The following MANSC4 variants were observed in gnomAD, a reference collection of about 807,000 sequenced individuals.
MANSC4 encodes the protein MANSC domain-containing protein 4.
In MANSC4, 11 loss-of-function variants were observed where a neutral mutation model predicts 11.4. The ratio of observed to expected loss-of-function variants is 0.97; its 90% confidence interval spans 0.61 to 1.60. MANSC4 has a LOEUF of 1.60. Among genes scored for constraint, MANSC4 ranks in the 40% most tolerant of loss-of-function variants. The pLI is 0.00. For missense variants in MANSC4, 354 were observed against 404.6 expected (o/e 0.88, Z 1.07); for synonymous variants, 123 against 147.1 (o/e 0.84, Z 1.19).
In MANSC4 at chr12:27,777,541, TG is replaced by T. The variant is rs1468810203; in HGVS notation, c.-307+2668del. Among the ~76,000 whole-genome samples, 3 of 152,188 alleles carry T rather than the reference TG, an allele frequency of 2.0e-5. No homozygotes were observed. The East Asian group carries it at 5.8e-4, about 29-fold the overall frequency. Reference sequence around the variant, plus strand: ...CCACCTCCTGCTCCAAAGCTTATCGTGTCTCACTGCACCCTCATAGAGAATG... The same window carrying T: ...CCACCTCCTGCTCCAAAGCTTATCGTTCTCACTGCACCCTCATAGAGAATG... On this transcript the variant is annotated intron_variant, in intron 1 of 3. Coordinates refer to ENST00000381273, the MANE Select transcript of MANSC4 (RefSeq NM_001146221.5).
rs1211738411 is a variant in MANSC4 at position 27,771,263 on chromosome 12, T to A, written c.14A>T (p.Glu5Val). MHVAEVAVNVILLLS... is the reference protein window; with the variant it reads MHVAVVAVNVILLLS... ...GAGCAATATCACGTTCACTGCTACC[T>A]CTGCCACATGCATTTTTCCTGTATG... Residue 5 changes from glutamate to valine, a missense_variant, in exon 2 of 4, where the codon GAG becomes GTG. Transcript: ENST00000381273. 6.5e-7 allele frequency: 1 copy of A among 1,550,350 alleles called. No homozygotes were observed. Among genetic ancestry groups the A allele is most frequent in the Non-Finnish European group, 8.7e-7 (1 of 1,146,968 alleles).
At chr12:27,771,008 T>C in intron 2 of MANSC4, 40 bp downstream of exon 2, 1 of 1,468,416 alleles carries the variant, frequency 6.8e-7, no homozygotes, top group Middle Eastern at 1.8e-4. Context: ...TCCTTGGAAG[T>C]TTCTTCTTAT....
rs532561322 is a variant in MANSC4 at position 27,770,086 on chromosome 12, T to C, written c.229+962A>G. Among the ~76,000 whole-genome samples, 48 of 152,356 alleles carry C rather than the reference T, an allele frequency of 3.2e-4. 1 individual carries two copies. The highest frequency in any genetic ancestry group is 1.1e-3 in the African/African-American group (44 of 41,598). On this transcript the variant is annotated intron_variant, in intron 2 of 3. Transcript: ENST00000381273. Reference sequence around the variant, plus strand: ...ATTTGACATATATCTCCCTGTTTCTTTCAAAACATGAATCGCACTCTAAAT... The same window carrying C: ...ATTTGACATATATCTCCCTGTTTCTCTCAAAACATGAATCGCACTCTAAAT...
Position 27,766,775 on chromosome 12 carries a change from T to C in MANSC4, c.254A>G (p.Tyr85Cys). The C allele has an allele frequency of 1.9e-6, 3 of 1,551,632 alleles. No homozygotes were observed. Among genetic ancestry groups the C allele is most frequent in the Non-Finnish European group, 2.6e-6 (3 of 1,146,982 alleles). Residue 85 changes from tyrosine (Y) to cysteine (C), a missense_variant, in exon 3 of 4, where the codon TAC becomes TGC. Physicochemically the swap from Tyr to Cys is radical, Grantham distance 194. Coordinates refer to ENST00000381273, the MANE Select transcript of MANSC4 (RefSeq NM_001146221.5). ...GATATTGTCATGAATAGGACTGTGGTAGAAGACAGCCAGGTTACAGGAAAC... is the reference window on the plus strand; with the variant it reads ...GATATTGTCATGAATAGGACTGTGGCAGAAGACAGCCAGGTTACAGGAAAC... ...KDVSCNLAVF[Y>C]HSPIHDNINC...
chr12:27,776,759 A>T (rs1414511387), intron 1 of MANSC4, among the ~76,000 whole-genome samples: 2 of 152,218 alleles, frequency 1.3e-5, no homozygotes, highest in Non-Finnish European at 2.9e-5. Context: ...GTCTAAAAAA[A>T]TAAAAAATAA....
At chr12:27,775,134 C>T (rs2062114914) in intron 1 of MANSC4, among the ~76,000 whole-genome samples, 1 of 152,060 alleles carries the variant, frequency 6.6e-6, no homozygotes, top group African/African-American at 2.4e-5. Context: ...TAAAAGCGGC[C>T]TGTCTGGGGA....
chr12:27,777,317 G>C (rs1033668127), intron 1 of MANSC4, among the ~76,000 whole-genome samples: 2 of 152,228 alleles, frequency 1.3e-5, no homozygotes, highest in African/African-American at 4.8e-5. Flanking sequence ...TCAAGAGACA[G>C]AGGAGAGACT....
At chr12:27,768,635 A>C (rs1269586033) in intron 2 of MANSC4, among the ~76,000 whole-genome samples, 1 of 95,330 alleles carries the variant, frequency 1.0e-5, no homozygotes, top group African/African-American at 4.2e-5. Flanking sequence ...GCCAAAAGGT[A>C]CCGACTTTTT....
chr12:27,779,193 AG>A (rs1259430580), intron 1 of MANSC4, among the ~76,000 whole-genome samples: 14 of 152,124 alleles, frequency 9.2e-5, no homozygotes, highest in African/African-American at 3.1e-4. Context: ...CTCTCTTAAT[AG>A]TCCTCAGATG....
intron 2 of MANSC4, among the ~76,000 whole-genome samples, chr12:27,769,686 A>C (rs886653827): frequency 2.6e-5 from 4 of 152,192 alleles, no homozygotes; most frequent in Non-Finnish European, 5.9e-5. Flanking sequence ...TGTAGCTCCA[A>C]TTTTCATCTC....
intron 2 of MANSC4, among the ~76,000 whole-genome samples, chr12:27,769,950 T>C (rs186449798): frequency 1.9e-4 from 29 of 152,328 alleles, no homozygotes; most frequent in Admixed American, 6.5e-4. Context: ...AAAATAAACA[T>C]TCTTAATTGC....
chr12:27,776,049 C>G (rs1039205477), intron 1 of MANSC4, among the ~76,000 whole-genome samples: 24 of 145,472 alleles, frequency 1.6e-4, no homozygotes, highest in Non-Finnish European at 3.4e-4. Context: ...GAGATCACAC[C>G]ACTGCACTCC....
At position 27,762,804 on chromosome 12, in the gene MANSC4, TG is replaced by T. The variant is rs1157314225; in HGVS notation, c.956del (p.Pro319GlnfsTer17). 13 of 1,551,600 alleles carry T rather than the reference TG, an allele frequency of 8.4e-6. No homozygotes were observed. In the Admixed American group the frequency reaches 2.6e-4, roughly 30 times the overall value. The stretch of plus-strand genomic sequence containing the variant: ...GCAAGGATCCTGATTTTCTCTGTCC[TG>T]GTTTATACTGGCCCTGCTGCTTTCC... ...CCGKQQGQYK[P>X]GQRKSGSLQI... On this transcript the variant is annotated frameshift_variant, in exon 4 of 4. Coordinates refer to ENST00000381273, the MANE Select transcript of MANSC4 (RefSeq NM_001146221.5). LOFTEE classifies it low-confidence loss of function (END_TRUNC).
intron 2 of MANSC4, among the ~76,000 whole-genome samples, chr12:27,769,272 G>A (rs1039888246): frequency 6.6e-6 from 1 of 152,224 alleles, no homozygotes; most frequent in Non-Finnish European, 1.5e-5. Flanking sequence ...AGTTGATTCT[G>A]CAGAGGACAA....
intron 1 of MANSC4, among the ~76,000 whole-genome samples, chr12:27,776,818 T>A (rs188237629): frequency 6.6e-6 from 1 of 152,352 alleles, no homozygotes; most frequent in Admixed American, 6.5e-5. Flanking sequence ...TCTGTAAAAC[T>A]GTTTTACAGA....
Position 27,768,101 on chromosome 12 carries a change from T to G in MANSC4, c.230-1302A>C, listed in dbSNP as rs116319583. Among the ~76,000 whole-genome samples, 407 of 152,280 alleles carry G rather than the reference T, an allele frequency of 2.7e-3. 5 individuals carry two copies. The highest frequency in any genetic ancestry group is 9.4e-3 in the African/African-American group (389 of 41,570). Reference sequence around the variant, plus strand: ...TTCCTTTTCTAAGCAAATTTGCTTTTTAAAACATGTTCTCTGGCCAGGCGC... The same window carrying G: ...TTCCTTTTCTAAGCAAATTTGCTTTGTAAAACATGTTCTCTGGCCAGGCGC... On this transcript the variant is annotated intron_variant, in intron 2 of 3. Transcript: ENST00000381273.
intron 2 of MANSC4, among the ~76,000 whole-genome samples, chr12:27,769,570 C>T (rs773206179): frequency 3.9e-5 from 6 of 152,228 alleles, no homozygotes; most frequent in Non-Finnish European, 8.8e-5. Flanking sequence ...CCTGCCCCTC[C>T]GCTATCTCCC....
intron 1 of MANSC4, among the ~76,000 whole-genome samples, chr12:27,777,183 G>A (rs891323507): frequency 1.3e-5 from 2 of 152,166 alleles, no homozygotes; most frequent in Admixed American, 6.5e-5. Context: ...TGCTTGAATT[G>A]CCTTTCTAAT....
intron 1 of MANSC4, among the ~76,000 whole-genome samples, chr12:27,773,072 G>A (rs184277796): frequency 1.5e-3 from 230 of 152,312 alleles, no homozygotes; most frequent in Non-Finnish European, 2.2e-3. Flanking sequence ...GCCAGGCGGG[G>A]TGGCTAATGC....
Sources: gnomAD v4.1 joint callset for allele counts (sites outside exome capture counted in the v4.1 genomes callset) on GRCh38, gnomAD v4.1.1 for gene constraint, MANE v1.5 for transcripts, NCBI Gene and HGNC (gene_info 2026-07-23, HGNC 2026-07-21) for gene names.